ERAP1: variants seen among roughly 807,000 people sequenced by gnomAD.
ERAP1 encodes the protein adipocyte-derived leucine aminopeptidase.
Under a neutral mutation model 103.7 loss-of-function variants are expected in ERAP1, and 86 were observed. That is an observed-to-expected ratio of 0.83 (90% CI 0.70 to 0.99). The LOEUF (loss-of-function observed/expected upper bound fraction) is 0.99, where lower values mean the gene tolerates loss of function less well. Ranked by LOEUF, ERAP1 falls within the 50% of genes least tolerant of loss-of-function variation. The pLI, the probability that ERAP1 is intolerant of heterozygous loss-of-function variation, is 0.00. For synonymous variants in ERAP1, 398 were observed against 402.4 expected (o/e 0.99, Z 0.13); for missense variants, 1,009 against 1,128.4 (o/e 0.89, Z 1.52).
At chr5:96,862,094 G>A in the ERAP1 span, among the ~76,000 whole-genome samples, 1 of 152,072 alleles carries the variant, frequency 6.6e-6, no homozygotes, top group Admixed American at 6.6e-5. Flanking sequence ...GATCCTCTTG[G>A]CTCAGCCTCC....
the ERAP1 span, among the ~76,000 whole-genome samples, chr5:96,921,109 C>T: frequency 6.6e-6 from 1 of 152,192 alleles, no homozygotes; most frequent in East Asian, 1.9e-4. Context: ...TATTATGCTC[C>T]CTAACTTGGG....
At chr5:96,765,316 T>G in intron 19 of ERAP1, 1 of 830,212 alleles carries the variant, frequency 1.2e-6, no homozygotes, top group South Asian at 2.4e-5. Flanking sequence ...CAATGGAAGA[T>G]AAAGTAAAGG....
At chr5:96,796,647 G>A (rs868555631) in intron 4 of ERAP1, among the ~76,000 whole-genome samples, 1 of 152,128 alleles carries the variant, frequency 6.6e-6, no homozygotes, top group African/African-American at 2.4e-5. Context: ...TCATGACTCA[G>A]GCCAGGCCAC....
chr5:96,868,574 G>T, the ERAP1 span, among the ~76,000 whole-genome samples: 1 of 152,146 alleles, frequency 6.6e-6, no homozygotes, highest in Non-Finnish European at 1.5e-5. Context: ...AATTGAGCTG[G>T]GATATAAAGA....
chr5:96,880,750 A>G, the ERAP1 span, among the ~76,000 whole-genome samples: 1 of 152,250 alleles, frequency 6.6e-6, no homozygotes, highest in Non-Finnish European at 1.5e-5. Flanking sequence ...ATCAAGTCAC[A>G]TTCATTGAGC....
In ERAP1 at chr5:96,794,996, CTG is replaced by C. The variant is rs1777185103; in HGVS notation, c.919+44_919+45del. The stretch of plus-strand genomic sequence containing the variant: ...GCCAATTATAATGACAAATCTATGA[CTG>C]TGTTCATCAAATGTCATGTGTAATA... On this transcript the variant is annotated intron_variant, in intron 5 of 18. Coordinates refer to ENST00000443439, the MANE Select transcript of ERAP1 (RefSeq NM_001040458.3). 2.5e-6 allele frequency: 4 copies of C among 1,609,492 alleles called. No individual in the cohort carries two copies. In the African/African-American group the frequency reaches 4.0e-5, roughly 16 times the overall value.
At chr5:96,912,672 TG>T in the ERAP1 span, 3 of 1,611,180 alleles carry the variant, frequency 1.9e-6, no homozygotes, top group Non-Finnish European at 2.5e-6. Flanking sequence ...GTGTATTCTG[TG>T]GGTGCTCAGA....
At chr5:96,841,747 C>CCT in the ERAP1 span, among the ~76,000 whole-genome samples, 20 of 108,548 alleles carry the variant, frequency 1.8e-4, no homozygotes, top group Admixed American at 5.9e-4. Flanking sequence ...TCTTCTTCTT[C>CCT]TTTTTTTTTT....
the ERAP1 span, among the ~76,000 whole-genome samples, chr5:96,912,053 G>A: frequency 4.0e-5 from 6 of 150,704 alleles, no homozygotes; most frequent in African/African-American, 7.3e-5. Context: ...AGCCGGGCGC[G>A]GTGGCGGGCG....
At chr5:96,886,808 G>T in the ERAP1 span, 1 of 1,430,640 alleles carries the variant, frequency 7.0e-7, no homozygotes, top group Non-Finnish European at 9.3e-7. Context: ...GAGTTCTAAC[G>T]TTCTACGCAG....
the ERAP1 span, among the ~76,000 whole-genome samples, chr5:96,830,932 G>T: frequency 6.6e-6 from 1 of 152,192 alleles, no homozygotes. Flanking sequence ...CTCAAATCCT[G>T]CAGCAGGCAT....
the ERAP1 span, chr5:96,915,592 ATAGT>A: frequency 1.7e-6 from 1 of 575,502 alleles, no homozygotes; most frequent in Admixed American, 3.7e-5. Flanking sequence ...AGCTTATCAC[ATAGT>A]TATTAATATA....
chr5:96,862,880 C>T, the ERAP1 span, among the ~76,000 whole-genome samples: 1 of 152,144 alleles, frequency 6.6e-6, no homozygotes, highest in Non-Finnish European at 1.5e-5. Flanking sequence ...TCATTTTGAC[C>T]TTTCCTGTCC....
the ERAP1 span, among the ~76,000 whole-genome samples, chr5:96,916,227 A>G: frequency 8.3e-6 from 1 of 120,898 alleles, no homozygotes; most frequent in Admixed American, 8.0e-5. Context: ...TCTCAAAAAA[A>G]CAAAAAACAA....
the ERAP1 span, among the ~76,000 whole-genome samples, chr5:96,832,509 C>T: frequency 6.6e-6 from 1 of 152,164 alleles, no homozygotes; most frequent in South Asian, 2.1e-4. Context: ...TATAGAAGAA[C>T]TACACATTCA....
chr5:96,906,452 G>A, the ERAP1 span, among the ~76,000 whole-genome samples: 1 of 152,106 alleles, frequency 6.6e-6, no homozygotes, highest in African/African-American at 2.4e-5. Flanking sequence ...TTTTTTGGCA[G>A]AGATGGCGTC....
chr5:96,812,517 A>G (rs1779210765), upstream of ERAP1, among the ~76,000 whole-genome samples: 1 of 152,250 alleles, frequency 6.6e-6, no homozygotes, highest in Non-Finnish European at 1.5e-5. Context: ...ATATGCCTAA[A>G]GGAATGATAA....
the ERAP1 span, among the ~76,000 whole-genome samples, chr5:96,928,643 GTTGT>G: frequency 6.6e-6 from 1 of 152,142 alleles, no homozygotes; most frequent in Non-Finnish European, 1.5e-5. Flanking sequence ...ATGAATTTCT[GTTGT>G]TTAAGTCATT....
the ERAP1 span, among the ~76,000 whole-genome samples, chr5:96,894,109 G>C: frequency 6.6e-6 from 1 of 152,190 alleles, no homozygotes; most frequent in South Asian, 2.1e-4. Context: ...TTTGTATTGA[G>C]GCAGTGGCTA....
Sources: gnomAD v4.1 joint callset for allele counts (sites outside exome capture counted in the v4.1 genomes callset) on GRCh38, gnomAD v4.1.1 for gene constraint, MANE v1.5 for transcripts, NCBI Gene and HGNC (gene_info 2026-07-23, HGNC 2026-07-21) for gene names.